Variants in B3GAT2 observed in about 807,000 individuals in gnomAD.
B3GAT2 encodes galactosylgalactosylxylosylprotein 3-beta-glucuronosyltransferase 2.
Under a neutral mutation model 27.8 loss-of-function variants are expected in B3GAT2, and 26 were observed. That is an observed-to-expected ratio of 0.93 (90% CI 0.68 to 1.30). B3GAT2 has a LOEUF of 1.30. B3GAT2 is among the 50% of genes most tolerant of loss of function. The probability of loss-of-function intolerance (pLI) is 0.00; values close to 1 mark genes in which losing one functional copy is unlikely to be tolerated. For synonymous variants in B3GAT2, 218 were observed against 195.1 expected (o/e 1.12, Z -0.98); for missense variants, 458 against 459.0 (o/e 1.00, Z 0.02).
chr6:70,898,317 T>C (rs1772428307), intron 1 of B3GAT2, among the ~76,000 whole-genome samples: 1 of 152,306 alleles, frequency 6.6e-6, no homozygotes, highest in Admixed American at 6.5e-5. Flanking sequence ...TTAATGCTTT[T>C]GTATCCTAGA....
chr6:70,859,077 GT>G lies in B3GAT2; in HGVS notation c.*2585del. On this transcript the variant is annotated 3_prime_UTR_variant, in exon 4 of 4. Coordinates refer to ENST00000230053, the MANE Select transcript of B3GAT2 (RefSeq NM_080742.3). ...AATCTTGGTTTCTGTTTGGTCACTT[GT>G]TTTACCTTTAGAGCATTCAGGGAAT... The G allele has an allele frequency of 3.5e-6, 1 of 286,112 alleles. No individual in the cohort carries two copies. Among genetic ancestry groups the G allele is most frequent in the South Asian group, 9.8e-5 (1 of 10,206 alleles). The allele number at this position is 286,112 out of a possible 1,614,324, so 17.7% of individuals were successfully genotyped here.
chr6:70,872,481 G>T (rs1771952693), intron 2 of B3GAT2, among the ~76,000 whole-genome samples: 1 of 145,634 alleles, frequency 6.9e-6, no homozygotes. Flanking sequence ...ATTTTGTCTG[G>T]TGTTCATATA....
rs1582319631 is a variant in B3GAT2, at chr6:70,857,077, T to C, written c.*4586A>G. 2 of 1,499,818 alleles carry C rather than the reference T, an allele frequency of 1.3e-6. No homozygotes were observed. Among genetic ancestry groups the C allele is most frequent in the Non-Finnish European group, 1.8e-6 (2 of 1,113,566 alleles). 92.9% of individuals were successfully genotyped at this position (1,499,818 alleles called of 1,614,324 possible). ...TTTCAGTGACATTACTAGAAGTACA[T>C]CCTTTGTAATTATATAATAAGATCA... On this transcript the variant is annotated 3_prime_UTR_variant, in exon 4 of 4. Transcript: ENST00000230053.
At chr6:70,895,397 G>T (rs1043369875) in intron 1 of B3GAT2, among the ~76,000 whole-genome samples, 1 of 151,182 alleles carries the variant, frequency 6.6e-6, no homozygotes, top group African/African-American at 2.4e-5. Flanking sequence ...CAATAGAAAT[G>T]AAAGTCACAA....
chr6:70,860,851 G>A lies in B3GAT2; in HGVS notation c.*812C>T. The A allele has an allele frequency of 2.5e-6, 1 of 395,084 alleles. No individual in the cohort carries two copies. Among genetic ancestry groups the A allele is most frequent in the East Asian group, 3.6e-5 (1 of 27,866 alleles). The allele number at this position is 395,084 out of a possible 1,614,324, so 24.5% of individuals were successfully genotyped here. ...CACTTCACTGTGCTGTTGTTATGAT[G>A]TGCTTAACAGGGAACGTGATTAGTG... On this transcript the variant is annotated 3_prime_UTR_variant, in exon 4 of 4. Coordinates refer to ENST00000230053, the MANE Select transcript of B3GAT2 (RefSeq NM_080742.3).
intron 1 of B3GAT2, among the ~76,000 whole-genome samples, chr6:70,946,242 T>A (rs565036813): frequency 6.6e-6 from 1 of 152,176 alleles, no homozygotes; most frequent in African/African-American, 2.4e-5. Flanking sequence ...TAAATGTAAA[T>A]GGACTAAATG....
At position 70,857,082 on chromosome 6, in the gene B3GAT2, T is replaced by A. The variant is rs761741402; in HGVS notation, c.*4581A>T. On this transcript the variant is annotated 3_prime_UTR_variant, in exon 4 of 4. Coordinates refer to ENST00000230053, the MANE Select transcript of B3GAT2 (RefSeq NM_080742.3). ...GTGACATTACTAGAAGTACATCCTT[T>A]GTAATTATATAATAAGATCAATTAT... 2 of 1,478,326 alleles carry A rather than the reference T, an allele frequency of 1.4e-6. No homozygotes were observed. The highest frequency in any genetic ancestry group is 1.8e-6 in the Non-Finnish European group (2 of 1,099,414). 91.6% of individuals were successfully genotyped at this position (1,478,326 alleles called of 1,614,324 possible).
intron 1 of B3GAT2, among the ~76,000 whole-genome samples, chr6:70,935,791 C>A (rs1765265399): frequency 6.6e-6 from 1 of 152,158 alleles, no homozygotes; most frequent in Non-Finnish European, 1.5e-5. Context: ...CCAGCCACTG[C>A]AAAATCATGC....
Position 70,860,039 on chromosome 6 carries a change from T to C in B3GAT2, c.*1624A>G, listed in dbSNP as rs1433520536. 2 of 682,616 alleles carry C rather than the reference T, an allele frequency of 2.9e-6. No individual in the cohort carries two copies. Among genetic ancestry groups the C allele is most frequent in the Non-Finnish European group, 2.2e-6 (1 of 444,848 alleles). The allele number at this position is 682,616 out of a possible 1,614,324, so 42.3% of individuals were successfully genotyped here. The stretch of plus-strand genomic sequence containing the variant: ...AAAGTAGATAAAGAAGGGAACAAAG[T>C]AGCTATTTGCTTTAAGAAATATTTG... On this transcript the variant is annotated 3_prime_UTR_variant, in exon 4 of 4. Transcript: ENST00000230053.
chr6:70,864,061 CTTTT>C (rs35544177), intron 2 of B3GAT2, among the ~76,000 whole-genome samples: 64 of 129,762 alleles, frequency 4.9e-4, no homozygotes, highest in South Asian at 1.2e-3. Flanking sequence ...AAGCTTTATC[CTTTT>C]TTTTTTTTTT....
chr6:70,915,458 T>C (rs1485473103), intron 1 of B3GAT2, among the ~76,000 whole-genome samples: 1 of 152,206 alleles, frequency 6.6e-6, no homozygotes, highest in East Asian at 1.9e-4. Context: ...GCTTTTGGTG[T>C]TTTAGTCATA....
intron 1 of B3GAT2, among the ~76,000 whole-genome samples, chr6:70,926,528 T>A (rs1033946192): frequency 6.6e-6 from 1 of 152,120 alleles, no homozygotes; most frequent in Non-Finnish European, 1.5e-5. Flanking sequence ...ACGTGACGAA[T>A]GCACAAGCTT....
In B3GAT2 at chr6:70,859,573, G is replaced by T; in HGVS notation, c.*2090C>A. ...AAGTTTTAAACCCACTCACTATATG[G>T]TAAATCTTGCCTTTCCTTCTCTTAT... On this transcript the variant is annotated 3_prime_UTR_variant, in exon 4 of 4. Coordinates refer to ENST00000230053, the MANE Select transcript of B3GAT2 (RefSeq NM_080742.3). The T allele has an allele frequency of 2.2e-6, 1 of 463,890 alleles. No homozygotes were observed. The highest frequency in any genetic ancestry group is 3.7e-6 in the Non-Finnish European group (1 of 268,512). The allele number at this position is 463,890 out of a possible 1,614,324, so 28.7% of individuals were successfully genotyped here. A position where few individuals can be genotyped will look rare whatever the true frequency, so the allele number is the denominator to read the frequency against.
At chr6:70,913,133 T>C (rs2150039239) in intron 1 of B3GAT2, among the ~76,000 whole-genome samples, 1 of 152,210 alleles carries the variant, frequency 6.6e-6, no homozygotes, top group Non-Finnish European at 1.5e-5. Context: ...GTTTCACTGG[T>C]CTTTTATATC....
At chr6:70,920,233 C>T (rs2150041876) in intron 1 of B3GAT2, among the ~76,000 whole-genome samples, 1 of 152,334 alleles carries the variant, frequency 6.6e-6, no homozygotes, top group African/African-American at 2.4e-5. Flanking sequence ...ACCGAGCAGG[C>T]ATGGGAGGGA....
intron 1 of B3GAT2, among the ~76,000 whole-genome samples, chr6:70,901,295 T>C (rs1001395350): frequency 2.6e-5 from 4 of 152,232 alleles, no homozygotes; most frequent in East Asian, 1.9e-4. Context: ...GTACCCTTGC[T>C]ATGATGTGAT....
chr6:70,901,893 G>C (rs553589832), intron 1 of B3GAT2, among the ~76,000 whole-genome samples: 62 of 152,274 alleles, frequency 4.1e-4, no homozygotes, highest in African/African-American at 1.4e-3. Context: ...TGTGTATAAA[G>C]ATATCATTAG....
At chr6:70,935,422 C>T (rs942977476) in intron 1 of B3GAT2, among the ~76,000 whole-genome samples, 1 of 151,922 alleles carries the variant, frequency 6.6e-6, no homozygotes, top group Non-Finnish European at 1.5e-5. Context: ...CCACTACACT[C>T]CAGTCTGGGC....
chr6:70,943,814 T>C (rs1183146159), intron 1 of B3GAT2, among the ~76,000 whole-genome samples: 2 of 152,074 alleles, frequency 1.3e-5, no homozygotes, highest in Non-Finnish European at 2.9e-5. Flanking sequence ...GGGGTAGGAA[T>C]TGGGGAAATG....
Sources: gnomAD v4.1 joint callset for allele counts (sites outside exome capture counted in the v4.1 genomes callset) on GRCh38, gnomAD v4.1.1 for gene constraint, MANE v1.5 for transcripts, NCBI Gene and HGNC (gene_info 2026-07-23, HGNC 2026-07-21) for gene names.